SAXO1: variants seen among roughly 807,000 people sequenced by gnomAD.
The protein encoded by SAXO1 is stabilizer of axonemal microtubules 1.
Under a neutral mutation model 17.5 loss-of-function variants are expected in SAXO1, and 21 were observed. The observed-to-expected ratio is 1.20, with a 90% CI of 0.85 to 1.72. SAXO1 has a LOEUF of 1.72. Among genes scored for constraint, SAXO1 ranks in the 40% most tolerant of loss-of-function variants. The pLI is 0.00. For missense variants in SAXO1, 843 were observed against 596.0 expected, an observed-to-expected ratio of 1.41 and a Z score of -4.32; for synonymous variants, 274 against 216.5, an observed-to-expected ratio of 1.27 and a Z score of -2.33.
upstream of SAXO1, among the ~76,000 whole-genome samples, chr9:19,035,449 GAT>G (rs1835911908): frequency 6.6e-6 from 1 of 152,174 alleles, no homozygotes; most frequent in Admixed American, 6.5e-5. Flanking sequence ...CCCAGTCTCA[GAT>G]ATGTCTTTAT....
At chr9:18,935,967 C>T (rs1397319214) in intron 3 of SAXO1, among the ~76,000 whole-genome samples, 1 of 152,140 alleles carries the variant, frequency 6.6e-6, no homozygotes, top group Non-Finnish European at 1.5e-5. Context: ...AATAAAACAT[C>T]ACAGACTCCT....
intron 1 of SAXO1, among the ~76,000 whole-genome samples, chr9:19,048,930 C>G (rs1320517178): frequency 1.3e-5 from 2 of 152,256 alleles, no homozygotes; most frequent in Non-Finnish European, 2.9e-5. Context: ...TTGCTATTAC[C>G]TAGCTGCGCA....
intron 1 of SAXO1, among the ~76,000 whole-genome samples, chr9:19,012,867 G>A (rs907186312): frequency 2.0e-5 from 3 of 152,176 alleles, no homozygotes; most frequent in South Asian, 2.1e-4. Flanking sequence ...GAGGCGCTGC[G>A]GAGCTCAGGG....
At chr9:18,959,771 A>G (rs1832409768) in intron 1 of SAXO1, among the ~76,000 whole-genome samples, 1 of 141,828 alleles carries the variant, frequency 7.1e-6, no homozygotes, top group Non-Finnish European at 1.5e-5. Flanking sequence ...AACTCTGTCT[A>G]AGAAAAAAAA....
chr9:18,994,466 G>C (rs1350551541), intron 1 of SAXO1, among the ~76,000 whole-genome samples: 5 of 152,168 alleles, frequency 3.3e-5, no homozygotes, highest in Non-Finnish European at 7.3e-5. Flanking sequence ...CTCACTGGTA[G>C]ACCACCCAGT....
Position 19,032,732 on chromosome 9 carries a change from C to A in SAXO1, c.38+139G>T, listed in dbSNP as rs541113662. The A allele has an allele frequency of 2.0e-5, 18 of 896,784 alleles. No homozygotes were observed. The South Asian group carries it at 2.7e-4, about 13-fold the overall frequency. The allele number at this position is 896,784 out of a possible 1,614,324, so 55.6% of individuals were successfully genotyped here. A position where few individuals can be genotyped will look rare whatever the true frequency, so the allele number is the denominator to read the frequency against. On this transcript the variant is annotated intron_variant, in intron 1 of 3. Coordinates refer to ENST00000380534, the MANE Select transcript of SAXO1 (RefSeq NM_153707.4). Reference sequence around the variant, plus strand: ...TCCGCGGGCACAACGCTAGTTGACACAATTGTGGCTTAAAAAACGTAGCAA... The same window carrying A: ...TCCGCGGGCACAACGCTAGTTGACAAAATTGTGGCTTAAAAAACGTAGCAA...
chr9:18,987,896 C>CAA (rs55775001), intron 1 of SAXO1, among the ~76,000 whole-genome samples: 104 of 136,310 alleles, frequency 7.6e-4, no homozygotes, highest in South Asian at 1.6e-3. Context: ...GACCCTGTCT[C>CAA]AAAAAAAAAA....
intron 1 of SAXO1, among the ~76,000 whole-genome samples, chr9:19,003,790 C>T (rs1275803459): frequency 1.3e-5 from 2 of 152,068 alleles, no homozygotes; most frequent in Admixed American, 6.5e-5. Flanking sequence ...CCATAAAAAC[C>T]CTAGAAGAAA....
chr9:19,022,815 G>C (rs1392705269), intron 1 of SAXO1, among the ~76,000 whole-genome samples: 2 of 152,126 alleles, frequency 1.3e-5, no homozygotes, highest in African/African-American at 2.4e-5. Flanking sequence ...TCCTTTTAGA[G>C]AAACAACCAG....
Position 18,948,702 on chromosome 9 carries a change from C to A in SAXO1, c.218+2056G>T, listed in dbSNP as rs778909999. ...GCTAGGTGTTGGGGCAGGTCTTCCG[C>A]CCCAGACCAAGGGTTTGTCCCCATT... On this transcript the variant is annotated intron_variant, in intron 2 of 3. Coordinates refer to ENST00000380534, the MANE Select transcript of SAXO1 (RefSeq NM_153707.4). Among the ~76,000 whole-genome samples, 49 of 152,110 alleles carry A rather than the reference C, an allele frequency of 3.2e-4. 1 individual carries two copies. Among genetic ancestry groups the A allele is most frequent in the Admixed American group, 1.2e-3 (18 of 15,256 alleles).
chr9:19,042,313 G>A (rs918400459), intron 1 of SAXO1, among the ~76,000 whole-genome samples: 7 of 152,166 alleles, frequency 4.6e-5, no homozygotes, highest in African/African-American at 1.4e-4. Flanking sequence ...CAAGGATGTG[G>A]GGAAAAGGGA....
At chr9:19,043,599 T>C (rs1435372261) in intron 1 of SAXO1, among the ~76,000 whole-genome samples, 1 of 151,830 alleles carries the variant, frequency 6.6e-6, no homozygotes, top group Non-Finnish European at 1.5e-5. Flanking sequence ...GGATCCTGTC[T>C]CTACAAAAAA....
intron 1 of SAXO1, among the ~76,000 whole-genome samples, chr9:19,003,267 T>C (rs1393814532): frequency 6.6e-6 from 1 of 152,176 alleles, no homozygotes; most frequent in Non-Finnish European, 1.5e-5. Context: ...CGGAAGAATA[T>C]TCCATGCGCA....
chr9:18,968,835 C>G (rs1412865554), intron 1 of SAXO1, among the ~76,000 whole-genome samples: 2 of 152,158 alleles, frequency 1.3e-5, no homozygotes, highest in Non-Finnish European at 2.9e-5. Flanking sequence ...CTCAGGTAAT[C>G]CACCCACCTC....
intron 2 of SAXO1, among the ~76,000 whole-genome samples, chr9:18,947,448 T>G (rs74443936): frequency 6.6e-6 from 1 of 152,192 alleles, no homozygotes; most frequent in Non-Finnish European, 1.5e-5. Flanking sequence ...CCATCAAGTC[T>G]GAACTCAATT....
intron 1 of SAXO1, among the ~76,000 whole-genome samples, chr9:18,953,757 T>C (rs1341739625): frequency 6.6e-6 from 1 of 152,190 alleles, no homozygotes; most frequent in East Asian, 1.9e-4. Flanking sequence ...TTTTGGAAGC[T>C]AGCCAATATT....
chr9:18,929,861 T>G (rs1830960882), intron 3 of SAXO1, among the ~76,000 whole-genome samples: 1 of 152,244 alleles, frequency 6.6e-6, no homozygotes, highest in South Asian at 2.1e-4. Context: ...TCTGACCCAC[T>G]CTACTCTCTG....
At chr9:18,967,398 T>C (rs1027789264) in intron 1 of SAXO1, among the ~76,000 whole-genome samples, 9 of 140,348 alleles carry the variant, frequency 6.4e-5, no homozygotes, top group Non-Finnish European at 1.3e-4. Flanking sequence ...GTTTTATCTA[T>C]AGACCCCTGA....
chr9:18,935,277 T>G (rs1831235779), intron 3 of SAXO1, among the ~76,000 whole-genome samples: 1 of 152,158 alleles, frequency 6.6e-6, no homozygotes, highest in South Asian at 2.1e-4. Flanking sequence ...AAGTTAAACT[T>G]AAGAACTTTA....
Sources: gnomAD v4.1 joint callset for allele counts (sites outside exome capture counted in the v4.1 genomes callset) on GRCh38, gnomAD v4.1.1 for gene constraint, MANE v1.5 for transcripts, NCBI Gene and HGNC (gene_info 2026-07-23, HGNC 2026-07-21) for gene names.